Variants in TUSC3 observed in about 807,000 individuals in gnomAD.
TUSC3 encodes tumor suppressor candidate 3.
Under a neutral mutation model 44.8 loss-of-function variants are expected in TUSC3, and 45 were observed. The observed-to-expected ratio is 1.00, with a 90% CI of 0.79 to 1.29. The LOEUF is 1.29. TUSC3 is among the 50% of genes most tolerant of loss of function. TUSC3 has a pLI of 0.00. For synonymous variants in TUSC3, 212 were observed against 152.9 expected, an observed-to-expected ratio of 1.39 and a Z score of -2.85; for missense variants, 519 against 437.9, an observed-to-expected ratio of 1.19 and a Z score of -1.65.
At chr8:15,653,312 C>T (rs955170689) in intron 3 of TUSC3, among the ~76,000 whole-genome samples, 2 of 152,014 alleles carry the variant, frequency 1.3e-5, no homozygotes, top group Non-Finnish European at 2.9e-5. Context: ...CAAGAAAAGA[C>T]CTAAATAAAA....
At chr8:15,474,385 A>T (rs1800547048) in intron 1 of TUSC3, among the ~76,000 whole-genome samples, 1 of 152,212 alleles carries the variant, frequency 6.6e-6, no homozygotes, top group African/African-American at 2.4e-5. Context: ...TTAAATTAAG[A>T]CAGGTGTAAG....
intron 1 of TUSC3, among the ~76,000 whole-genome samples, chr8:15,446,019 T>A (rs930162575): frequency 8.3e-5 from 12 of 145,174 alleles, no homozygotes; most frequent in African/African-American, 2.6e-4. Flanking sequence ...ACGGGCCGGC[T>A]GCCGGGCGGA....
Position 15,662,660 on chromosome 8 carries a change from A to G in TUSC3, c.708+364A>G, listed in dbSNP as rs187400980. ...TCATTCAGCTATTTCTTTTCTGACAACTGTTTCTTGTGTATCTTCTATGTG... is the reference window on the plus strand; with the variant it reads ...TCATTCAGCTATTTCTTTTCTGACAGCTGTTTCTTGTGTATCTTCTATGTG... On this transcript the variant is annotated intron_variant, in intron 5 of 10. Coordinates refer to ENST00000503731, the MANE Select transcript of TUSC3 (RefSeq NM_006765.4). 9.2e-4 allele frequency among the ~76,000 whole-genome samples: 140 copies of G among 152,088 alleles called. 4 individuals carry two copies. Among genetic ancestry groups the G allele is most frequent in the South Asian group, 2.1e-4 (1 of 4,828 alleles).
Position 15,542,271 on chromosome 8 carries a change from G to T in TUSC3, c.138+1703G>T, listed in dbSNP as rs137929225. Among the ~76,000 whole-genome samples, 1,004 of 152,206 alleles carry T rather than the reference G, an allele frequency of 6.6e-3. 5 individuals carry two copies. The highest frequency in any genetic ancestry group is 0.021 in the Middle Eastern group (6 of 292). Reference sequence around the variant, plus strand: ...ATTGTTATTAATAGAAAGGAATGTGGAGACCATGGTTTTATTAGCCAGATG... The same window carrying T: ...ATTGTTATTAATAGAAAGGAATGTGTAGACCATGGTTTTATTAGCCAGATG... On this transcript the variant is annotated intron_variant, in intron 1 of 10. Transcript: ENST00000503731.
At chr8:15,710,041 C>G (rs989055088) in intron 6 of TUSC3, among the ~76,000 whole-genome samples, 21 of 151,968 alleles carry the variant, frequency 1.4e-4, no homozygotes, top group African/African-American at 4.3e-4. Context: ...CTCTTCCCTC[C>G]TGGTGGACTT....
intron 1 of TUSC3, among the ~76,000 whole-genome samples, chr8:15,551,861 G>A (rs983966518): frequency 6.6e-6 from 1 of 151,722 alleles, no homozygotes; most frequent in Non-Finnish European, 1.5e-5. Context: ...TGTTGAGTTA[G>A]CGTCATAGCA....
chr8:15,732,623 C>T (rs1490080986), intron 7 of TUSC3, among the ~76,000 whole-genome samples: 1 of 151,986 alleles, frequency 6.6e-6, no homozygotes, highest in Non-Finnish European at 1.5e-5. Context: ...GAAATGTAAA[C>T]ATTGAAATGA....
At chr8:15,818,176 T>C in the TUSC3 span, among the ~76,000 whole-genome samples, 1 of 152,222 alleles carries the variant, frequency 6.6e-6, no homozygotes, top group African/African-American at 2.4e-5. Flanking sequence ...AGACAAACTT[T>C]TTAAAAGTTT....
the TUSC3 span, among the ~76,000 whole-genome samples, chr8:15,833,362 A>G: frequency 2.0e-5 from 3 of 152,246 alleles, no homozygotes; most frequent in Non-Finnish European, 4.4e-5. Context: ...TACTGGGTAT[A>G]TACCAAAAGG....
intron 9 of TUSC3, chr8:15,748,684 C>T (rs1271338010): frequency 1.5e-6 from 1 of 686,760 alleles, no homozygotes; most frequent in Non-Finnish European, 2.7e-6. Flanking sequence ...TAGTTTCTTT[C>T]TAGACATACA....
intron 2 of TUSC3, among the ~76,000 whole-genome samples, chr8:15,647,227 C>G (rs190065898): frequency 6.6e-6 from 1 of 152,164 alleles, no homozygotes; most frequent in Admixed American, 6.5e-5. Context: ...GCATCAATGG[C>G]AAAGTAGTAG....
Position 15,581,629 on chromosome 8 carries a change from T to C in TUSC3, c.138+41061T>C, listed in dbSNP as rs527248914. Among the ~76,000 whole-genome samples the C allele has an allele frequency of 4.0e-3, 596 of 149,068 alleles. 4 individuals are homozygous for C. The highest frequency in any genetic ancestry group is 7.7e-3 in the African/African-American group (305 of 39,808). On this transcript the variant is annotated intron_variant, in intron 1 of 10. Transcript: ENST00000503731. The stretch of plus-strand genomic sequence containing the variant: ...CGGGGTGCCTCCCAGTTAGGCTGCT[T>C]GGGGGTCAGGGGTCAGGGACCCACT...
rs3789008 is a variant in TUSC3, at chr8:15,758,197, A to G, written c.*46+342A>G. ...ATATATTTCATTCTATCTAGGAAAA[A>G]TGTAGCCAAATCTTTTTTCCCATTA... is the stretch of plus-strand genomic sequence containing the variant. On this transcript the variant is annotated intron_variant, in intron 10 of 10. Transcript: ENST00000503731. 3.5e-4 allele frequency: 358 copies of G among 1,022,970 alleles called. 3 individuals carry two copies. The East Asian group carries it at 0.016, about 44-fold the overall frequency. 63.4% of individuals were successfully genotyped at this position (1,022,970 alleles called of 1,614,324 possible).
intron 6 of TUSC3, among the ~76,000 whole-genome samples, chr8:15,710,476 A>G (rs935537983): frequency 1.3e-5 from 2 of 151,766 alleles, no homozygotes; most frequent in African/African-American, 4.8e-5. Flanking sequence ...TGAGTAATCA[A>G]TCTGCAGTTT....
intron 1 of TUSC3, among the ~76,000 whole-genome samples, chr8:15,450,848 C>T (rs1248753168): frequency 2.0e-5 from 3 of 152,178 alleles, no homozygotes; most frequent in Non-Finnish European, 4.4e-5. Flanking sequence ...ATAGAACCTC[C>T]AGAGGACTTG....
At chr8:15,576,299 T>A (rs1803110145) in intron 1 of TUSC3, among the ~76,000 whole-genome samples, 2 of 148,222 alleles carry the variant, frequency 1.3e-5, no homozygotes, top group Admixed American at 6.7e-5. Context: ...TTTATTTTTT[T>A]ATTTTTTTAT....
Position 15,680,335 on chromosome 8 carries a change from G to T in TUSC3, c.798+6499G>T, listed in dbSNP as rs77448817. 5.3e-3 allele frequency among the ~76,000 whole-genome samples: 799 copies of T among 151,894 alleles called. 8 individuals are homozygous for T. The highest frequency in any genetic ancestry group is 0.018 in the African/African-American group (760 of 41,502). The stretch of plus-strand genomic sequence containing the variant: ...ACATGTGTGCCTAGGTAATTTGTGT[G>T]TGTATGTGTGTGTGTATGTTTGTGG... On this transcript the variant is annotated intron_variant, in intron 6 of 10. Transcript: ENST00000503731.
chr8:15,825,464 C>G, the TUSC3 span, among the ~76,000 whole-genome samples: 1 of 152,016 alleles, frequency 6.6e-6, no homozygotes, highest in East Asian at 1.9e-4. Context: ...TGTGGAAAGA[C>G]CTGTCCCAAT....
At chr8:15,440,208 A>T (rs1325409981) in intron 1 of TUSC3, among the ~76,000 whole-genome samples, 1 of 152,230 alleles carries the variant, frequency 6.6e-6, no homozygotes, top group East Asian at 1.9e-4. Context: ...GAAGTTAACA[A>T]ACCAAAGAGA....
Sources: gnomAD v4.1 joint callset for allele counts (sites outside exome capture counted in the v4.1 genomes callset) on GRCh38, gnomAD v4.1.1 for gene constraint, MANE v1.5 for transcripts, NCBI Gene and HGNC (gene_info 2026-07-23, HGNC 2026-07-21) for gene names.